BIK: variants seen among roughly 807,000 people sequenced by gnomAD.
The protein encoded by BIK is BCL2 interacting killer, also known as bcl-2-interacting killer.
In BIK, 14 loss-of-function variants were observed where a neutral mutation model predicts 12.1. The ratio of observed to expected loss-of-function variants is 1.16; its 90% CI spans 0.77 to 1.81. BIK has a LOEUF of 1.81. Ranked by LOEUF, BIK falls within the 40% of genes most tolerant of loss-of-function variation. The pLI is 0.00. For synonymous variants in BIK, 86 were observed against 92.3 expected (o/e 0.93, Z 0.39); for missense variants, 215 against 207.9 (o/e 1.03, Z -0.21).
At chr22:43,115,833 T>C (rs1042338625) in intron 1 of BIK, among the ~76,000 whole-genome samples, 5 of 152,084 alleles carry the variant, frequency 3.3e-5, no homozygotes, top group South Asian at 2.1e-4. Context: ...CTTGGCTCAC[T>C]GCAACCTCTG....
Position 43,129,445 on chromosome 22 carries a change from G to A in BIK, c.*140G>A. ...AACCCCGAGATAGTGCTGGAACACT[G>A]CTGAGGTTTTATACTCAGGTTTTTT... On this transcript the variant is annotated 3_prime_UTR_variant, in exon 5 of 5. Transcript: ENST00000216115. 2 of 1,345,928 alleles carry A rather than the reference G, an allele frequency of 1.5e-6. No individual in the cohort carries two copies. The highest frequency in any genetic ancestry group is 2.0e-6 in the Non-Finnish European group (2 of 1,019,818). 83.4% of individuals were successfully genotyped at this position (1,345,928 alleles called of 1,614,324 possible).
intron 1 of BIK, among the ~76,000 whole-genome samples, chr22:43,120,344 C>T (rs1040904260): frequency 5.3e-5 from 8 of 152,242 alleles, no homozygotes; most frequent in African/African-American, 1.9e-4. Context: ...AGCGCCACCA[C>T]ACCTGGTTAA....
At chr22:43,120,196 C>G (rs116119143) in intron 1 of BIK, among the ~76,000 whole-genome samples, 2 of 152,040 alleles carry the variant, frequency 1.3e-5, no homozygotes, top group African/African-American at 2.4e-5. Context: ...CACAACCCCC[C>G]ACTTGTTTTT....
chr22:43,110,796 G>GCCGCCAGGTGAGTGCCCCCGAC lies in BIK; in HGVS notation c.-12_-8+17dup, dbSNP rs1445118365. 1 of 152,174 alleles carries GCCGCCAGGTGAGTGCCCCCGAC rather than the reference G, an allele frequency of 6.6e-6. No homozygotes were observed. Among genetic ancestry groups the GCCGCCAGGTGAGTGCCCCCGAC allele is most frequent in the Non-Finnish European group, 1.5e-5 (1 of 68,048 alleles). 9.4% of individuals were successfully genotyped at this position (152,174 alleles called of 1,614,324 possible). Reference sequence around the variant, plus strand: ...GCTTACAGACGCTGCCAGCATCGCCGCCGCCAGGTGAGTGCCCCCGACCCT... The same window carrying GCCGCCAGGTGAGTGCCCCCGAC: ...GCTTACAGACGCTGCCAGCATCGCCGCCGCCAGGTGAGTGCCCCCGACCCGCCAGGTGAGTGCCCCCGACCCT... On this transcript the variant is annotated 5_prime_UTR_variant, in exon 1 of 5. Coordinates refer to ENST00000216115, the MANE Select transcript of BIK (RefSeq NM_001197.5).
intron 4 of BIK, 86 bp from the exon 5 acceptor site, chr22:43,129,127 G>T (rs1601735118): frequency 1.9e-6 from 3 of 1,596,292 alleles, no homozygotes; most frequent in East Asian, 4.5e-5. Context: ...ACCCTCCTGG[G>T]CTTCCCCTTG....
chr22:43,127,495 G>C (rs1930340447), intron 2 of BIK, among the ~76,000 whole-genome samples: 2 of 152,196 alleles, frequency 1.3e-5, no homozygotes, highest in African/African-American at 4.8e-5. Flanking sequence ...CCCACGGATG[G>C]GACCTCATGG....
In BIK at chr22:43,129,229, TGCTGCTGGCGCTGCTGCTGCTGCTGGC is replaced by T. The variant is rs753912642; in HGVS notation, c.415_441del (p.Ala139_Leu147del). On this transcript the variant is annotated inframe_deletion, in exon 5 of 5. Transcript: ENST00000216115. ...CTCCCACAGGTGTCCTGCGAACAGG[TGCTGCTGGCGCTGCTGCTGCTGCTGGC>T]GCTGCTGCTGCCGCTGCTCAGCGGG... 2 of 1,587,300 alleles carry T rather than the reference TGCTGCTGGCGCTGCTGCTGCTGCTGGC, an allele frequency of 1.3e-6. No homozygotes were observed. Among genetic ancestry groups the T allele is most frequent in the Non-Finnish European group, 1.7e-6 (2 of 1,171,704 alleles).
chr22:43,128,658 C>A, intron 4 of BIK, 33 bp downstream of exon 4: 1 of 1,578,446 alleles, frequency 6.3e-7, no homozygotes. Flanking sequence ...CCCTGACTTG[C>A]GCTGCGGCCA....
rs562220864 is a variant in BIK at position 43,112,491 on chromosome 22, G to A, written c.-8+1688G>A. Among the ~76,000 whole-genome samples, 17 of 151,640 alleles carry A rather than the reference G, an allele frequency of 1.1e-4. 1 individual carries two copies. The highest frequency in any genetic ancestry group is 2.6e-4 in the Admixed American group (4 of 15,230). ...TGGGATTACAGGTGTGACCCACCCC[G>A]CCCGGCTTGAGTGTTTAAATACTCC... On this transcript the variant is annotated intron_variant, in intron 1 of 4. Coordinates refer to ENST00000216115, the MANE Select transcript of BIK (RefSeq NM_001197.5).
rs1043383470 is a variant in BIK at position 43,129,473 on chromosome 22, T to G, written c.*168T>G. On this transcript the variant is annotated 3_prime_UTR_variant, in exon 5 of 5. Transcript: ENST00000216115. ...GAGGTTTTATACTCAGGTTTTTTGT[T>G]TTTTTTTTATTCCAGTTTTCGTTTT... is the stretch of plus-strand genomic sequence containing the variant. The G allele has an allele frequency of 1.7e-6, 2 of 1,162,862 alleles. No homozygotes were observed. Among genetic ancestry groups the G allele is most frequent in the Non-Finnish European group, 1.2e-6 (1 of 862,310 alleles). 72.0% of individuals were successfully genotyped at this position (1,162,862 alleles called of 1,614,324 possible). A position where few individuals can be genotyped will look rare whatever the true frequency, so the allele number is the denominator to read the frequency against.
chr22:43,117,431 T>C (rs375378153), intron 1 of BIK, among the ~76,000 whole-genome samples: 1 of 151,634 alleles, frequency 6.6e-6, no homozygotes, highest in African/African-American at 2.4e-5. Flanking sequence ...TGTGGTGGCA[T>C]GATCTCGGCT....
chr22:43,111,055 G>C (rs922266540), intron 1 of BIK, among the ~76,000 whole-genome samples: 5 of 151,986 alleles, frequency 3.3e-5, no homozygotes, highest in Non-Finnish European at 7.4e-5. Flanking sequence ...CTCAGTCTCC[G>C]CGCCTGTGCA....
At chr22:43,112,631 G>A (rs1241220340) in intron 1 of BIK, among the ~76,000 whole-genome samples, 3 of 150,146 alleles carry the variant, frequency 2.0e-5, no homozygotes, top group African/African-American at 4.9e-5. Context: ...CATTTGACTC[G>A]TGCCTGTAAT....
chr22:43,118,763 C>T (rs893159095), intron 1 of BIK, among the ~76,000 whole-genome samples: 1 of 152,136 alleles, frequency 6.6e-6, no homozygotes, highest in South Asian at 2.1e-4. Context: ...TTTGACAGGA[C>T]TGGGCGAGGT....
intron 2 of BIK, among the ~76,000 whole-genome samples, chr22:43,127,171 G>A (rs4988428): frequency 4.2e-4 from 64 of 152,216 alleles, no homozygotes; most frequent in Admixed American, 1.8e-3. Flanking sequence ...GGGCTTCTTA[G>A]TCCCCCCATT....
intron 1 of BIK, among the ~76,000 whole-genome samples, chr22:43,117,074 G>T (rs1375414726): frequency 6.6e-6 from 1 of 152,182 alleles, no homozygotes; most frequent in Non-Finnish European, 1.5e-5. Flanking sequence ...GCAGGTGGGG[G>T]TGCCGTTTCA....
intron 1 of BIK, among the ~76,000 whole-genome samples, chr22:43,112,621 C>T (rs1408020243): frequency 6.6e-6 from 1 of 150,968 alleles, no homozygotes; most frequent in African/African-American, 2.4e-5. Context: ...GATTCTCACA[C>T]ATTTGACTCG....
intron 1 of BIK, among the ~76,000 whole-genome samples, chr22:43,119,753 T>A (rs945773417): frequency 3.3e-5 from 5 of 151,760 alleles, no homozygotes; most frequent in Middle Eastern, 3.4e-3. Flanking sequence ...CAGGCGGGAG[T>A]TGAAGCCAGG....
chr22:43,123,973 T>C, intron 1 of BIK, 43 bp from the exon 2 acceptor site: 1 of 1,602,968 alleles, frequency 6.2e-7, no homozygotes, highest in Non-Finnish European at 8.5e-7. Context: ...CCCAGACTGC[T>C]CAGTTCTTAG....
Sources: gnomAD v4.1 joint callset for allele counts (sites outside exome capture counted in the v4.1 genomes callset) on GRCh38, gnomAD v4.1.1 for gene constraint, MANE v1.5 for transcripts, NCBI Gene and HGNC (gene_info 2026-07-23, HGNC 2026-07-21) for gene names.